RALGAPA2: variants seen among roughly 807,000 people sequenced by gnomAD.
RALGAPA2 encodes Ral GTPase activating protein catalytic subunit alpha 2, also known as ral GTPase-activating protein subunit alpha-2.
A neutral mutation model predicts 230.4 loss-of-function variants in RALGAPA2; 139 were observed. The observed-to-expected ratio is 0.60, with a 90% CI of 0.53 to 0.69. RALGAPA2 has a LOEUF of 0.69. RALGAPA2 is among the 30% of genes least tolerant of loss of function. The pLI, the probability that RALGAPA2 is intolerant of heterozygous loss-of-function variation, is 0.00. For missense variants in RALGAPA2, 2,163 were observed against 2,276.0 expected, an observed-to-expected ratio of 0.95 and a Z score of 1.01; for synonymous variants, 847 against 837.8, an observed-to-expected ratio of 1.01 and a Z score of -0.19.
Position 20,434,493 on chromosome 20 carries a change from T to C in RALGAPA2, c.5496-22345A>G, listed in dbSNP as rs6046860. ...GGATGCAGGTGAGCCTCTGATATCCTAACACTAAAAACAGACGGAGGCCAC... is the reference window on the plus strand; with the variant it reads ...GGATGCAGGTGAGCCTCTGATATCCCAACACTAAAAACAGACGGAGGCCAC... On this transcript the variant is annotated intron_variant, in intron 37 of 39. Transcript: ENST00000202677. 4.4e-3 allele frequency among the ~76,000 whole-genome samples: 669 copies of C among 152,248 alleles called. 4 individuals carry two copies. The highest frequency in any genetic ancestry group is 0.015 in the African/African-American group (639 of 41,542).
At chr20:20,577,803 G>T (rs544574898) in intron 20 of RALGAPA2, among the ~76,000 whole-genome samples, 106 of 152,170 alleles carry the variant, frequency 7.0e-4, no homozygotes, top group Admixed American at 2.0e-3. Flanking sequence ...GAAAAAAAAA[G>T]TAAGGGGATT....
chr20:20,465,958 G>T (rs1187375531), intron 37 of RALGAPA2, among the ~76,000 whole-genome samples: 1 of 152,248 alleles, frequency 6.6e-6, no homozygotes, highest in Non-Finnish European at 1.5e-5. Context: ...GGGCCAGGCT[G>T]ATAATATACA....
chr20:20,513,075 T>C lies in RALGAPA2; in HGVS notation c.4294A>G (p.Asn1432Asp). The C allele has an allele frequency of 4.4e-6, 7 of 1,607,794 alleles. No individual in the cohort carries two copies. Among genetic ancestry groups the C allele is most frequent in the Non-Finnish European group, 5.9e-6 (7 of 1,177,428 alleles). ...RSPNLQLFVF[N>D]DSTLISYLQT... ...AGGTAGGAGATGAGGGTGCTATCAT[T>C]AAATACAAACAGCTGCAGGTTTGGA... Residue 1432 changes from asparagine (N) to aspartate (D), a missense_variant, in exon 32 of 40, where the codon AAT (asparagine) becomes GAT (aspartate). Coordinates refer to ENST00000202677, the MANE Select transcript of RALGAPA2 (RefSeq NM_020343.4).
Position 20,398,830 on chromosome 20 carries a change from G to T in RALGAPA2, c.5618-2096C>A, listed in dbSNP as rs565826093. ...AGTGGTGACCAAAGCAGATGAAACC[G>T]CTGCCTCCAGGGGATCTGGGAGAAA... On this transcript the variant is annotated intron_variant, in intron 38 of 39. Transcript: ENST00000202677. The surrounding 1 kb of genome is among the most constrained non-coding windows in gnomAD (Gnocchi z 4.5). 6.6e-6 allele frequency among the ~76,000 whole-genome samples: 1 copy of T among 152,176 alleles called. No individual in the cohort carries two copies. Among genetic ancestry groups the T allele is most frequent in the Non-Finnish European group, 1.5e-5 (1 of 68,016 alleles).
chr20:20,615,881 A>G (rs1191605104), intron 13 of RALGAPA2, among the ~76,000 whole-genome samples, 162 bp downstream of exon 13: 2 of 152,254 alleles, frequency 1.3e-5, no homozygotes, highest in Non-Finnish European at 2.9e-5. Flanking sequence ...CTGTCAAAGT[A>G]CTGGGTAACT....
chr20:20,507,043 T>C (rs950817748), intron 33 of RALGAPA2, among the ~76,000 whole-genome samples: 20 of 152,254 alleles, frequency 1.3e-4, no homozygotes, highest in African/African-American at 4.6e-4. Context: ...CACTTTTGCA[T>C]GCACATATGA....
intron 18 of RALGAPA2, among the ~76,000 whole-genome samples, 156 bp downstream of exon 18, chr20:20,589,112 G>A (rs1430765574): frequency 6.6e-6 from 1 of 152,030 alleles, no homozygotes; most frequent in Non-Finnish European, 1.5e-5. Context: ...TAGAAAGCAA[G>A]CAAAATCTTA....
At chr20:20,393,301 C>G (rs771607764) in intron 39 of RALGAPA2, 48 bp from the exon 40 acceptor site, 21 of 1,227,040 alleles carry the variant, frequency 1.7e-5, no homozygotes, top group Non-Finnish European at 2.1e-5. Flanking sequence ...AACGGCGGCT[C>G]TACGGCCACA....
At chr20:20,635,742 G>A in intron 8 of RALGAPA2, 125 bp from the exon 9 acceptor site, 1 of 775,828 alleles carries the variant, frequency 1.3e-6, no homozygotes, top group South Asian at 2.1e-5. Flanking sequence ...TAAGAATGAA[G>A]AACCGCAATT....
chr20:20,616,550 A>G (rs1164943025), intron 12 of RALGAPA2, among the ~76,000 whole-genome samples: 1 of 152,220 alleles, frequency 6.6e-6, no homozygotes, highest in Non-Finnish European at 1.5e-5. Flanking sequence ...GGATCGTTGC[A>G]TATGAGTGAG....
intron 37 of RALGAPA2, among the ~76,000 whole-genome samples, chr20:20,446,488 A>G (rs1044133322): frequency 3.3e-5 from 5 of 152,338 alleles, no homozygotes; most frequent in Middle Eastern, 3.4e-3. Context: ...TTTGAAATCA[A>G]CAAGGAGGAG....
At chr20:20,476,412 A>G (rs2061650168) in intron 36 of RALGAPA2, among the ~76,000 whole-genome samples, 1 of 152,068 alleles carries the variant, frequency 6.6e-6, no homozygotes, top group South Asian at 2.1e-4. Flanking sequence ...CCATACCTAC[A>G]TGGTAATTGA....
rs755002762 is a variant in RALGAPA2 at position 20,676,284 on chromosome 20, A to G, written c.222T>C (p.Asn74=). 2 of 1,559,506 alleles carry G rather than the reference A, an allele frequency of 1.3e-6. No individual in the cohort carries two copies. The highest frequency in any genetic ancestry group is 1.2e-5 in the South Asian group (1 of 86,782). ...ALENSLKLKG[N]NKSQREELDS... is the part of the protein sequence containing the mutation. ...CCAGCTCCTCCCTTTGTGACTTATT[A>G]TTCCCTGGAATATTAAAAAATAATT... Residue 74 remains asparagine, a synonymous_variant, in exon 3 of 40, where the codon AAT becomes AAC. Coordinates refer to ENST00000202677, the MANE Select transcript of RALGAPA2 (RefSeq NM_020343.4).
chr20:20,513,447 C>A (rs908167213), intron 31 of RALGAPA2, among the ~76,000 whole-genome samples, 163 bp from the exon 32 acceptor site: 35 of 152,038 alleles, frequency 2.3e-4, no homozygotes, highest in Non-Finnish European at 3.8e-4. Flanking sequence ...GCAAAAAGAT[C>A]AACTCTCTGA....
At chr20:20,507,318 A>G (rs903660709) in intron 33 of RALGAPA2, among the ~76,000 whole-genome samples, 2 of 152,148 alleles carry the variant, frequency 1.3e-5, no homozygotes, top group Non-Finnish European at 2.9e-5. Flanking sequence ...TACATCCTTA[A>G]AGATAATCTT....
intron 38 of RALGAPA2, among the ~76,000 whole-genome samples, chr20:20,410,157 C>G (rs1569370922): frequency 1.3e-5 from 2 of 152,154 alleles, no homozygotes; most frequent in Non-Finnish European, 2.9e-5. Flanking sequence ...CTTGAAGAAG[C>G]CTATTGACAA....
At chr20:20,644,508 TA>T (rs1435979100) in intron 4 of RALGAPA2, among the ~76,000 whole-genome samples, 4 of 152,210 alleles carry the variant, frequency 2.6e-5, no homozygotes, top group Non-Finnish European at 5.9e-5. Flanking sequence ...AGAAATTCAT[TA>T]GCCAGAAAAA....
chr20:20,596,151 T>C (rs1464506985), intron 16 of RALGAPA2, among the ~76,000 whole-genome samples: 2 of 152,198 alleles, frequency 1.3e-5, no homozygotes, highest in Admixed American at 6.5e-5. Context: ...ACGTCACTTC[T>C]TCCTCCCAGA....
chr20:20,472,605 G>C (rs145582993), intron 37 of RALGAPA2: 99 of 351,866 alleles, frequency 2.8e-4, no homozygotes, highest in African/African-American at 2.1e-3. Context: ...ACGTATGTGA[G>C]TAAATTATGA....
Sources: gnomAD v4.1 joint callset for allele counts (sites outside exome capture counted in the v4.1 genomes callset) on GRCh38, gnomAD v4.1.1 for gene constraint, Gnocchi (gnomAD v3.1) non-coding constraint, MANE v1.5 for transcripts, NCBI Gene and HGNC (gene_info 2026-07-23, HGNC 2026-07-21) for gene names.